ZNF829: variants seen among roughly 807,000 people sequenced by gnomAD.
The protein encoded by ZNF829 is zinc finger protein 829.
Under a neutral mutation model 35.2 loss-of-function variants are expected in ZNF829, and 25 were observed. The ratio of observed to expected loss-of-function variants is 0.71; its 90% confidence interval spans 0.52 to 0.99. ZNF829 has a LOEUF of 0.99. Among genes scored for constraint, ZNF829 ranks in the 50% least tolerant of loss-of-function variants. The probability of loss-of-function intolerance (pLI) is 0.00; values close to 1 mark genes in which losing one functional copy is unlikely to be tolerated. For synonymous variants in ZNF829, 136 were observed against 163.2 expected (o/e 0.83, Z 1.27); for missense variants, 417 against 515.3 (o/e 0.81, Z 1.85).
chr19:36,910,082 GA>G (rs139977215), intron 3 of ZNF829, among the ~76,000 whole-genome samples: 31,920 of 150,194 alleles, frequency 0.21, 3,914 homozygotes, highest in Non-Finnish European at 0.29. Context: ...AACATTTCTT[GA>G]AAAATTTTTT....
intron 5 of ZNF829, among the ~76,000 whole-genome samples, chr19:36,899,418 C>A (rs1433290791): frequency 6.6e-6 from 1 of 151,982 alleles, no homozygotes; most frequent in East Asian, 1.9e-4. Context: ...GCACTCCAGT[C>A]TGGCTGACAG....
chr19:36,892,771 G>T, intron 5 of ZNF829: 1 of 465,806 alleles, frequency 2.1e-6, no homozygotes, highest in Non-Finnish European at 3.5e-6. Context: ...CCATATTATA[G>T]AGAGATTCTA....
At chr19:36,898,127 T>C (rs989336396) in intron 5 of ZNF829, among the ~76,000 whole-genome samples, 4 of 151,824 alleles carry the variant, frequency 2.6e-5, no homozygotes, top group African/African-American at 7.3e-5. Flanking sequence ...GATCATGCCA[T>C]TGCACTCCTC....
At chr19:36,906,751 C>T (rs1255907267) in intron 5 of ZNF829, 1 of 152,046 alleles carries the variant, frequency 6.6e-6, no homozygotes, top group East Asian at 1.9e-4. Flanking sequence ...CAGAAGGACA[C>T]TTATAGTAAT....
intron 5 of ZNF829, chr19:36,893,028 A>G (rs1481933756): frequency 7.4e-6 from 3 of 403,752 alleles, no homozygotes; most frequent in Non-Finnish European, 1.3e-5. Context: ...ACATATGCTC[A>G]CATGCACAGA....
chr19:36,908,222 A>G lies in ZNF829; in HGVS notation c.223+111T>C, dbSNP rs2073234963. 3 of 1,439,062 alleles carry G rather than the reference A, an allele frequency of 2.1e-6. No individual in the cohort carries two copies. The Admixed American group carries it at 6.4e-5, about 31-fold the overall frequency. 89.1% of individuals were successfully genotyped at this position (1,439,062 alleles called of 1,614,324 possible). On this transcript the variant is annotated intron_variant, in intron 4 of 5. Coordinates refer to ENST00000391711, the MANE Select transcript of ZNF829 (RefSeq NM_001037232.4). ...TCTATTTTAACTCAAACCATTCCTT[A>G]GGGAACAGGGAGCAGAAATTCAGCT...
chr19:36,902,178 A>AG, intron 5 of ZNF829: 1 of 260,332 alleles, frequency 3.8e-6, no homozygotes. Flanking sequence ...AGAAAAAAAA[A>AG]AACAAGTACC....
chr19:36,891,433 T>A lies in ZNF829; in HGVS notation c.*59A>T. 4 of 1,482,508 alleles carry A rather than the reference T, an allele frequency of 2.7e-6. No individual in the cohort carries two copies. Among genetic ancestry groups the A allele is most frequent in the Non-Finnish European group, 3.6e-6 (4 of 1,111,424 alleles). 91.8% of individuals were successfully genotyped at this position (1,482,508 alleles called of 1,614,324 possible). A position where few individuals can be genotyped will look rare whatever the true frequency, so the allele number is the denominator to read the frequency against. ...TAATATGTATCCTAATTTGTTCTCCTTACCTGTTTTAAAAAAATTATTATA... is the reference window on the plus strand; with the variant it reads ...TAATATGTATCCTAATTTGTTCTCCATACCTGTTTTAAAAAAATTATTATA... On this transcript the variant is annotated 3_prime_UTR_variant, in exon 6 of 6. Transcript: ENST00000391711.
At chr19:36,911,703 T>G (rs977490938) in intron 3 of ZNF829, among the ~76,000 whole-genome samples, 1 of 151,970 alleles carries the variant, frequency 6.6e-6, no homozygotes, top group South Asian at 2.1e-4. Context: ...GGGTCCAAAG[T>G]GGAATGATGA....
chr19:36,910,107 G>A (rs931076834), intron 3 of ZNF829, among the ~76,000 whole-genome samples: 17 of 149,638 alleles, frequency 1.1e-4, no homozygotes, highest in African/African-American at 3.2e-4. Flanking sequence ...TTTTTGAGAC[G>A]GAGTTTCGCT....
At chr19:36,903,619 G>A (rs888670090) in intron 5 of ZNF829, among the ~76,000 whole-genome samples, 15 of 152,108 alleles carry the variant, frequency 9.9e-5, no homozygotes, top group Non-Finnish European at 1.3e-4. Context: ...GGTTGGGCAC[G>A]GCGGCTCAGA....
chr19:36,898,215 A>G (rs1461224771), intron 5 of ZNF829, among the ~76,000 whole-genome samples: 1 of 152,192 alleles, frequency 6.6e-6, no homozygotes, highest in East Asian at 1.9e-4. Context: ...ATAATGAATT[A>G]GCTGAAAAAG....
At chr19:36,910,101 T>C (rs2146248352) in intron 3 of ZNF829, among the ~76,000 whole-genome samples, 1 of 151,444 alleles carries the variant, frequency 6.6e-6, no homozygotes, top group Admixed American at 6.6e-5. Flanking sequence ...TTTTTTTTTT[T>C]GAGACGGAGT....
chr19:36,911,896 T>G (rs1348341215), intron 3 of ZNF829, among the ~76,000 whole-genome samples: 1 of 152,146 alleles, frequency 6.6e-6, no homozygotes, highest in Non-Finnish European at 1.5e-5. Flanking sequence ...CAAGAAGACA[T>G]GCTGTGCATA....
At chr19:36,905,501 G>A (rs528087385) in intron 5 of ZNF829, 1 of 149,690 alleles carries the variant, frequency 6.7e-6, no homozygotes, top group African/African-American at 2.5e-5. Context: ...GCAATGGTGT[G>A]ATCTCGGCTC....
chr19:36,914,832 T>C, intron 3 of ZNF829, 133 bp downstream of exon 3: 1 of 760,790 alleles, frequency 1.3e-6, no homozygotes, highest in Non-Finnish European at 2.2e-6. Flanking sequence ...AATAAATATT[T>C]GAGAAGAAAA....
intron 5 of ZNF829, among the ~76,000 whole-genome samples, chr19:36,899,110 A>C (rs565030): frequency 0.026 from 3,885 of 152,246 alleles, 170 homozygotes; most frequent in African/African-American, 0.088. Context: ...TCTTCACCTG[A>C]GAAGGGACTA....
chr19:36,903,112 A>G (rs1046154007), intron 5 of ZNF829, among the ~76,000 whole-genome samples: 4 of 152,184 alleles, frequency 2.6e-5, no homozygotes, highest in African/African-American at 9.6e-5. Context: ...AGTAGTCAAG[A>G]TTTTTAGTCA....
rs142795710 is a variant in ZNF829, at chr19:36,895,988, G to A, written c.320-3517C>T. Among the ~76,000 whole-genome samples, 977 of 152,130 alleles carry A rather than the reference G, an allele frequency of 6.4e-3. 26 individuals are homozygous for A. Among genetic ancestry groups the A allele is most frequent in the East Asian group, 0.05 (257 of 5,158 alleles). ...TCGAGACCAGCCTTCCCAACATGAC[G>A]AAACCCTGTCTCTACTAAAAATACA... On this transcript the variant is annotated intron_variant, in intron 5 of 5. Coordinates refer to ENST00000391711, the MANE Select transcript of ZNF829 (RefSeq NM_001037232.4).
Sources: gnomAD v4.1 joint callset for allele counts (sites outside exome capture counted in the v4.1 genomes callset) on GRCh38, gnomAD v4.1.1 for gene constraint, MANE v1.5 for transcripts, NCBI Gene and HGNC (gene_info 2026-07-23, HGNC 2026-07-21) for gene names.